The following PIGL variants were observed in gnomAD, a reference collection of about 807,000 sequenced individuals.
PIGL encodes phosphatidylinositol glycan anchor biosynthesis class L.
PIGL carries 22 observed loss-of-function variants against 31.1 expected under a neutral mutation model. The ratio of observed to expected loss-of-function variants is 0.71; its 90% confidence interval spans 0.51 to 1.01. The LOEUF is 1.01. PIGL is among the 50% of genes least tolerant of loss of function. The pLI is 0.00. For missense variants in PIGL, 302 were observed against 315.9 expected, an observed-to-expected ratio of 0.96 and a Z score of 0.33; for synonymous variants, 131 against 117.4, an observed-to-expected ratio of 1.12 and a Z score of -0.75.
In PIGL at chr17:16,233,960, G is replaced by C; in HGVS notation, c.236-11G>C. ...AAAAAAAATCTACCACTGTATATTT[G>C]TTACCCTCAGGAAATTACTACAATC... On this transcript the variant is annotated splice_polypyrimidine_tract_variant and intron_variant, in intron 1 of 6. Coordinates refer to ENST00000225609, the MANE Select transcript of PIGL (RefSeq NM_004278.4). The C allele has an allele frequency of 6.6e-7, 1 of 1,516,364 alleles. No individual in the cohort carries two copies. The highest frequency in any genetic ancestry group is 9.2e-7 in the Non-Finnish European group (1 of 1,092,858). The allele number at this position is 1,516,364 out of a possible 1,614,324, so 93.9% of individuals were successfully genotyped here.
At chr17:16,308,978 A>G (rs2093037536) in intron 3 of PIGL, among the ~76,000 whole-genome samples, 2 of 152,248 alleles carry the variant, frequency 1.3e-5, no homozygotes, top group South Asian at 2.1e-4. Context: ...TTCTGTAAAG[A>G]CAAGGTCTCG....
chr17:16,284,465 C>T (rs553494564), intron 2 of PIGL, among the ~76,000 whole-genome samples: 23 of 152,280 alleles, frequency 1.5e-4, no homozygotes, highest in South Asian at 1.2e-3. Flanking sequence ...GTAGGACTAA[C>T]GAATTAGGCA....
At chr17:16,250,962 G>C (rs1433152504) in intron 2 of PIGL, among the ~76,000 whole-genome samples, 1 of 152,138 alleles carries the variant, frequency 6.6e-6, no homozygotes, top group African/African-American at 2.4e-5. Flanking sequence ...CACAAGATAG[G>C]TTTTATTTTC....
At chr17:16,231,807 A>T (rs79489584) in intron 1 of PIGL, among the ~76,000 whole-genome samples, 1 of 152,178 alleles carries the variant, frequency 6.6e-6, no homozygotes, top group South Asian at 2.1e-4. Flanking sequence ...AATTACATTA[A>T]TTTTATTATT....
chr17:16,226,834 C>T (rs7212650), intron 1 of PIGL, among the ~76,000 whole-genome samples: 2,609 of 152,280 alleles, frequency 0.017, 69 homozygotes, highest in African/African-American at 0.059. Flanking sequence ...TTATCTGCTG[C>T]TCCCTTGACT....
chr17:16,318,509 G>A (rs144877836), intron 6 of PIGL, among the ~76,000 whole-genome samples: 9,210 of 151,794 alleles, frequency 0.061, 440 homozygotes, highest in African/African-American at 0.13. Flanking sequence ...GACCTCGGGT[G>A]ATCCACCCAC....
rs545596441 is a variant in PIGL, at chr17:16,299,409, A to G, written c.336-479A>G. On this transcript the variant is annotated intron_variant, in intron 2 of 6. Transcript: ENST00000225609. ...TAGTGAGCCGAGATCTCACCATTGCACTCCAGCCTGGGTGACAGAGGGAGA... is the reference window on the plus strand; with the variant it reads ...TAGTGAGCCGAGATCTCACCATTGCGCTCCAGCCTGGGTGACAGAGGGAGA... Among the ~76,000 whole-genome samples, 47 of 152,264 alleles carry G rather than the reference A, an allele frequency of 3.1e-4. 1 individual carries two copies. Among genetic ancestry groups the G allele is most frequent in the Middle Eastern group, 6.8e-3 (2 of 294 alleles).
chr17:16,269,730 T>C (rs1379123371), intron 2 of PIGL, among the ~76,000 whole-genome samples: 1 of 150,128 alleles, frequency 6.7e-6, no homozygotes, highest in African/African-American at 2.4e-5. Context: ...TCTGCATGAA[T>C]CTAATGGGGT....
chr17:16,239,778 G>C (rs1001222594), intron 2 of PIGL, among the ~76,000 whole-genome samples: 1 of 152,018 alleles, frequency 6.6e-6, no homozygotes, highest in African/African-American at 2.4e-5. Flanking sequence ...GAGATGATGG[G>C]ATGAATTCAA....
rs1173392431 is a variant in PIGL, at chr17:16,217,251, G to A, written c.25G>A (p.Val9Met). The A allele has an allele frequency of 1.9e-6, 3 of 1,614,198 alleles. No individual in the cohort carries two copies. MEAMWLLC[V>M]ALAVLAWGFL... ...CATGGAAGCAATGTGGCTCCTGTGT[G>A]TGGCGTTGGCGGTCTTGGCATGGGG... Residue 9 changes from valine to methionine, a missense_variant, in exon 1 of 7, where the codon GTG (valine) becomes ATG (methionine). By Grantham distance (21) the Val-to-Met change is conservative. Transcript: ENST00000225609.
intron 4 of PIGL, among the ~76,000 whole-genome samples, chr17:16,314,271 T>G (rs559963704): frequency 3.5e-4 from 53 of 152,292 alleles, no homozygotes; most frequent in African/African-American, 1.3e-3. Context: ...GGCAGGCCTG[T>G]CCCAGCTACT....
intron 5 of PIGL, chr17:16,317,239 T>C (rs2093081937): frequency 3.0e-6 from 3 of 1,003,716 alleles, no homozygotes; most frequent in Non-Finnish European, 2.4e-6. Context: ...GTTTGTGCCC[T>C]TTCTATGTGG....
At chr17:16,269,759 A>ATT (rs34927087) in intron 2 of PIGL, among the ~76,000 whole-genome samples, 22 of 149,872 alleles carry the variant, frequency 1.5e-4, no homozygotes, top group East Asian at 9.7e-4. Flanking sequence ...AAGAACCTGA[A>ATT]TTTTTTTTTT....
intron 2 of PIGL, among the ~76,000 whole-genome samples, chr17:16,277,612 C>T (rs1405536733): frequency 6.6e-6 from 1 of 152,166 alleles, no homozygotes; most frequent in Non-Finnish European, 1.5e-5. Context: ...TTCATGAGTC[C>T]TGAAAGTTTT....
chr17:16,224,209 A>C (rs1258174494), intron 1 of PIGL, among the ~76,000 whole-genome samples: 1 of 152,066 alleles, frequency 6.6e-6, no homozygotes, highest in South Asian at 2.1e-4. Context: ...GCGACAGAGC[A>C]AGACTCCGTC....
rs866314345 is a variant in PIGL at position 16,309,872 on chromosome 17, G to T, written c.427-3675G>T. ...GGCAAGCGGATAACTTTAGTCAGGA[G>T]TTTGAGACCAGCACAGCCAACATGG... On this transcript the variant is annotated intron_variant, in intron 3 of 6. Transcript: ENST00000225609. Among the ~76,000 whole-genome samples, 6 of 152,132 alleles carry T rather than the reference G, an allele frequency of 3.9e-5. No individual in the cohort carries two copies. In the South Asian group the frequency reaches 6.2e-4, roughly 16 times the overall value.
At chr17:16,317,442 C>G in intron 5 of PIGL, 2 of 1,042,502 alleles carry the variant, frequency 1.9e-6, no homozygotes, top group Non-Finnish European at 2.3e-6. Flanking sequence ...GAGCTGGAAC[C>G]AGGTCTCTAA....
chr17:16,242,314 T>C (rs764949433), intron 2 of PIGL, among the ~76,000 whole-genome samples: 1 of 152,148 alleles, frequency 6.6e-6, no homozygotes, highest in Non-Finnish European at 1.5e-5. Context: ...CTTCCCAAAG[T>C]GCTGATATTA....
At chr17:16,261,694 G>A (rs543407465) in intron 2 of PIGL, among the ~76,000 whole-genome samples, 2 of 152,052 alleles carry the variant, frequency 1.3e-5, no homozygotes, top group Admixed American at 1.3e-4. Context: ...TGGAATTTGA[G>A]ACAGGGATGA....
Sources: allele counts gnomAD v4.1 joint callset (sites outside exome capture counted in the v4.1 genomes callset), GRCh38; gene constraint gnomAD v4.1.1; transcripts MANE v1.5; gene names NCBI Gene and HGNC (gene_info 2026-07-23, HGNC 2026-07-21).